The following RAP1GAP2 variants were observed in gnomAD, a reference collection of about 807,000 sequenced individuals.
RAP1GAP2 encodes rap1 GTPase-activating protein 2.
Under a neutral mutation model 95.0 loss-of-function variants are expected in RAP1GAP2, and 27 were observed. The observed-to-expected ratio is 0.28, with a 90% CI of 0.21 to 0.39. RAP1GAP2 has a LOEUF of 0.39. Among genes scored for constraint, RAP1GAP2 ranks in the 10% least tolerant of loss-of-function variants. RAP1GAP2 has a pLI of 1.00. For missense variants in RAP1GAP2, 771 were observed against 970.0 expected, an observed-to-expected ratio of 0.79 and a Z score of 2.72; for synonymous variants, 373 against 380.9, an observed-to-expected ratio of 0.98 and a Z score of 0.24.
rs137976908 is a variant in RAP1GAP2, at chr17:2,789,063, T to A, written c.-13-11452T>A. On this transcript the variant is annotated intron_variant, in intron 1 of 24. Transcript: ENST00000540393. ...CCTTATACCTTTACACAATTATCAA[T>A]TTTTTCTTTTTGAGATGGGGTCTGG... Among the ~76,000 whole-genome samples the A allele has an allele frequency of 6.2e-3, 943 of 152,260 alleles. 5 individuals carry two copies. The highest frequency in any genetic ancestry group is 9.5e-3 in the Non-Finnish European group (644 of 68,024).
chr17:2,909,157 A>G (rs917556894), intron 3 of RAP1GAP2, among the ~76,000 whole-genome samples: 2 of 152,038 alleles, frequency 1.3e-5, no homozygotes, highest in Non-Finnish European at 2.9e-5. Context: ...GAGCAGGAAG[A>G]GAGGTTCCTG....
intron 14 of RAP1GAP2, among the ~76,000 whole-genome samples, chr17:3,000,168 C>T (rs559038387): frequency 2.0e-4 from 30 of 152,282 alleles, no homozygotes; most frequent in African/African-American, 5.3e-4. Context: ...AGGCTGGTCT[C>T]GAACTCCTGA....
chr17:3,031,760 C>A (rs556039073), intron 23 of RAP1GAP2, among the ~76,000 whole-genome samples: 1 of 137,874 alleles, frequency 7.3e-6, no homozygotes, highest in Admixed American at 7.2e-5. Context: ...CCTGAGCTCA[C>A]CAGACTATCG....
At chr17:2,872,035 C>T (rs1488041918) in intron 2 of RAP1GAP2, among the ~76,000 whole-genome samples, 3 of 151,714 alleles carry the variant, frequency 2.0e-5, no homozygotes, top group African/African-American at 7.3e-5. Flanking sequence ...ACCAGACTAG[C>T]CAACATGGTC....
chr17:2,767,530 G>C (rs2068300000), intron 1 of RAP1GAP2, among the ~76,000 whole-genome samples: 3 of 152,020 alleles, frequency 2.0e-5, no homozygotes, highest in South Asian at 4.1e-4. Context: ...AGTTTCTACA[G>C]GTAAAGATAA....
At chr17:2,881,925 A>T (rs1362064383) in intron 2 of RAP1GAP2, among the ~76,000 whole-genome samples, 2 of 151,982 alleles carry the variant, frequency 1.3e-5, no homozygotes, top group African/African-American at 4.8e-5. Context: ...GGTTCACGCC[A>T]TTCTCCTGCC....
chr17:2,822,314 T>C (rs985080172), intron 2 of RAP1GAP2, among the ~76,000 whole-genome samples: 1 of 152,170 alleles, frequency 6.6e-6, no homozygotes, highest in Non-Finnish European at 1.5e-5. Context: ...CGATTGCCAT[T>C]ATAACAGCAA....
chr17:2,968,262 T>C (rs2044703672), intron 8 of RAP1GAP2, among the ~76,000 whole-genome samples: 2 of 152,026 alleles, frequency 1.3e-5, no homozygotes, highest in Admixed American at 1.3e-4. Flanking sequence ...CAAAAAGAAT[T>C]TTAAATAGTA....
intron 2 of RAP1GAP2, among the ~76,000 whole-genome samples, chr17:2,833,756 T>G (rs957805748): frequency 2.0e-5 from 3 of 150,684 alleles, no homozygotes; most frequent in Admixed American, 1.3e-4. Flanking sequence ...TGTCTACACA[T>G]GAAAGTGTTT....
chr17:2,850,475 G>A lies in RAP1GAP2; in HGVS notation c.80+49925G>A, dbSNP rs1045190856. On this transcript the variant is annotated intron_variant, in intron 2 of 24. Coordinates refer to ENST00000254695, the MANE Select transcript of RAP1GAP2 (RefSeq NM_015085.5). ...TAAAATTAAGTAAAGGCAGCCGGGC[G>A]CTGTGGCTCATGCCTGTAATCCCAG... is the stretch of plus-strand genomic sequence containing the variant. Among the ~76,000 whole-genome samples the A allele has an allele frequency of 5.3e-5, 8 of 151,758 alleles. No individual in the cohort carries two copies. The East Asian group carries it at 1.2e-3, about 22-fold the overall frequency.
chr17:2,995,244 C>A, intron 12 of RAP1GAP2, 93 bp from the exon 13 acceptor site: 2 of 1,443,122 alleles, frequency 1.4e-6, no homozygotes, highest in East Asian at 4.6e-5. Flanking sequence ...TGCTGCGTAT[C>A]CTCTGCTGCG....
intron 2 of RAP1GAP2, among the ~76,000 whole-genome samples, chr17:2,834,344 G>T (rs1478443171): frequency 6.6e-6 from 1 of 152,220 alleles, no homozygotes; most frequent in Non-Finnish European, 1.5e-5. Flanking sequence ...CCTTGTGCTA[G>T]TTCAGGGGTT....
intron 2 of RAP1GAP2, among the ~76,000 whole-genome samples, chr17:2,849,741 C>A (rs1263676471): frequency 6.6e-6 from 1 of 152,152 alleles, no homozygotes; most frequent in African/African-American, 2.4e-5. Flanking sequence ...AGAGCTGGGA[C>A]GCCGTGGGGC....
intron 3 of RAP1GAP2, among the ~76,000 whole-genome samples, chr17:2,955,915 A>T (rs759182033): frequency 1.3e-5 from 2 of 152,146 alleles, no homozygotes; most frequent in Non-Finnish European, 2.9e-5. Context: ...ACTGTTAGAA[A>T]CGATGCTGCA....
chr17:2,998,374 A>G lies in RAP1GAP2; in HGVS notation c.1198A>G (p.Lys400Glu). The G allele has an allele frequency of 1.9e-6, 3 of 1,613,796 alleles. No individual in the cohort carries two copies. Among genetic ancestry groups the G allele is most frequent in the Non-Finnish European group, 2.5e-6 (3 of 1,179,776 alleles). ...CCCAGGCACAGAGACCCCATCCTAC[A>G]AGGTAAGGAGAACGCCTTGTTGGAG... ...ETPGTETPSY[K>E]VSVTAREDVP... The change falls in exon 14 of 25, where the codon AAG (lysine) becomes GAG (glutamate). Residue 400 changes from lysine (K) to glutamate (E), a missense_variant and splice_region_variant. Transcript: ENST00000254695.
chr17:2,925,120 T>C (rs1054870836), intron 3 of RAP1GAP2, among the ~76,000 whole-genome samples: 1 of 152,186 alleles, frequency 6.6e-6, no homozygotes, highest in African/African-American at 2.4e-5. Context: ...CTGTTGTTCT[T>C]GTCTGCTTGG....
chr17:2,931,290 G>C (rs2043145594), intron 3 of RAP1GAP2, among the ~76,000 whole-genome samples: 1 of 117,656 alleles, frequency 8.5e-6, no homozygotes, highest in Non-Finnish European at 2.1e-5. Flanking sequence ...TTGTGTGTGT[G>C]TGTGTGTGTG....
chr17:2,818,923 G>A (rs946136139), intron 2 of RAP1GAP2, among the ~76,000 whole-genome samples: 4 of 152,092 alleles, frequency 2.6e-5, no homozygotes, highest in Non-Finnish European at 4.4e-5. Context: ...GTTTATACAT[G>A]TCTAGTGCTT....
chr17:2,959,845 G>C (rs1179789300), intron 4 of RAP1GAP2, among the ~76,000 whole-genome samples: 1 of 152,118 alleles, frequency 6.6e-6, no homozygotes, highest in Non-Finnish European at 1.5e-5. Context: ...ACCCATTGTG[G>C]CCAGTTGCGG....
Sources: allele counts gnomAD v4.1 joint callset (sites outside exome capture counted in the v4.1 genomes callset), GRCh38; gene constraint gnomAD v4.1.1; transcripts MANE v1.5; gene names NCBI Gene and HGNC (gene_info 2026-07-23, HGNC 2026-07-21).